The following PAICS variants were observed in gnomAD, a reference collection of about 807,000 sequenced individuals.
The protein encoded by PAICS is phosphoribosylaminoimidazole carboxylase and phosphoribosylaminoimidazolesuccinocarboxamide synthase, also known as bifunctional phosphoribosylaminoimidazole carboxylase/phosphoribosylaminoimidazole succinocarboxamide synthetase.
In PAICS, 33 loss-of-function variants were observed where a neutral mutation model predicts 53.7. That is an observed-to-expected ratio of 0.61 (90% CI 0.47 to 0.82). The LOEUF (loss-of-function observed/expected upper bound fraction) is 0.82, where lower values mean the gene tolerates loss of function less well. Among genes scored for constraint, PAICS ranks in the 40% least tolerant of loss-of-function variants. PAICS has a pLI of 0.00. For synonymous variants in PAICS, 141 were observed against 167.2 expected (o/e 0.84, Z 1.21); for missense variants, 394 against 494.1 (o/e 0.80, Z 1.92).
upstream of PAICS, chr4:56,435,336 AC>A: frequency 6.3e-7 from 1 of 1,581,310 alleles, no homozygotes; most frequent in South Asian, 1.1e-5. Flanking sequence ...CGCCACCCCC[AC>A]CCTGTTGCTC....
intron 7 of PAICS, among the ~76,000 whole-genome samples, chr4:56,452,275 T>C (rs1406977107): frequency 6.6e-6 from 1 of 151,764 alleles, no homozygotes; most frequent in East Asian, 1.9e-4. Flanking sequence ...ACCTCCCGGG[T>C]TCACACCATT....
the PAICS span, among the ~76,000 whole-genome samples, chr4:56,418,338 G>C: frequency 6.6e-6 from 1 of 151,590 alleles, no homozygotes; most frequent in East Asian, 1.9e-4. Context: ...ATCTTATTTT[G>C]AGACAGGGTC....
At chr4:56,444,758 T>C (rs7694047) in intron 2 of PAICS, among the ~76,000 whole-genome samples, 55,703 of 151,894 alleles carry the variant, frequency 0.37, 11,504 homozygotes, top group East Asian at 0.66. Context: ...AGATGATTAC[T>C]GTAGCTTCAT....
At chr4:56,435,221 G>A, upstream of PAICS, 1 of 1,360,954 alleles carries the variant, frequency 7.3e-7, no homozygotes, top group Admixed American at 2.0e-5. Context: ...GACGCCACAG[G>A]CAGGTACTGG....
chr4:56,434,813 G>C (rs1263224168), upstream of PAICS, among the ~76,000 whole-genome samples: 2 of 152,194 alleles, frequency 1.3e-5, no homozygotes, highest in African/African-American at 4.8e-5. Context: ...CTGAAGTCTA[G>C]CATCCTCAAG....
the PAICS span, chr4:56,410,704 C>CA: frequency 1.3e-5 from 13 of 986,064 alleles, no homozygotes; most frequent in Non-Finnish European, 1.4e-5. Context: ...GGGCTAAGTA[C>CA]AAAAATCTCA....
At chr4:56,452,142 C>T in intron 7 of PAICS, 90 bp downstream of exon 7, 3 of 846,942 alleles carry the variant, frequency 3.5e-6, no homozygotes, top group South Asian at 3.8e-5. Context: ...GAAAAAAGAG[C>T]TTTGTCAGTT....
chr4:56,415,502 G>A, the PAICS span, among the ~76,000 whole-genome samples: 1 of 152,116 alleles, frequency 6.6e-6, no homozygotes, highest in Non-Finnish European at 1.5e-5. Flanking sequence ...GAAATCAAAG[G>A]AGGAATTCAA....
the PAICS span, among the ~76,000 whole-genome samples, chr4:56,426,401 C>CAA: frequency 3.6e-5 from 5 of 140,276 alleles, no homozygotes; most frequent in African/African-American, 1.0e-4. Context: ...GACTCTGTCT[C>CAA]AAAAAAAAAA....
chr4:56,415,741 G>C, the PAICS span, among the ~76,000 whole-genome samples: 1 of 151,998 alleles, frequency 6.6e-6, no homozygotes, highest in Non-Finnish European at 1.5e-5. Context: ...TGCCTACTCT[G>C]TTAGAGCACC....
chr4:56,423,830 T>C, the PAICS span, among the ~76,000 whole-genome samples: 8 of 152,222 alleles, frequency 5.3e-5, 1 homozygote, highest in East Asian at 3.9e-4. Flanking sequence ...AGCAGCTAAA[T>C]ACGTAAGAAA....
chr4:56,434,097 A>T (rs183121431), upstream of PAICS, among the ~76,000 whole-genome samples: 962 of 152,034 alleles, frequency 6.3e-3, 10 homozygotes, highest in African/African-American at 0.021. Flanking sequence ...AACTTTTTTT[A>T]AAAAAAACAA....
At chr4:56,439,208 T>G (rs1718207541) in intron 1 of PAICS, among the ~76,000 whole-genome samples, 1 of 152,188 alleles carries the variant, frequency 6.6e-6, no homozygotes, top group Non-Finnish European at 1.5e-5. Context: ...AAATGTTAAT[T>G]TCTTTATCTG....
chr4:56,456,412 T>A (rs1719208301), intron 8 of PAICS, among the ~76,000 whole-genome samples: 1 of 152,012 alleles, frequency 6.6e-6, no homozygotes, highest in South Asian at 2.1e-4. Context: ...ATACAGGTGT[T>A]TTTTGTTTGT....
chr4:56,427,999 C>G, the PAICS span, among the ~76,000 whole-genome samples: 2 of 152,132 alleles, frequency 1.3e-5, no homozygotes, highest in Non-Finnish European at 2.9e-5. Context: ...TTTCCATATT[C>G]ACAAATATCC....
Position 56,460,981 on chromosome 4 carries a change from A to G in PAICS, c.*1443A>G, listed in dbSNP as rs1363622449. 6.6e-6 allele frequency: 1 copy of G among 152,194 alleles called. No individual in the cohort carries two copies. The highest frequency in any genetic ancestry group is 1.5e-5 in the Non-Finnish European group (1 of 68,056). The allele number at this position is 152,194 out of a possible 1,614,324, so 9.4% of individuals were successfully genotyped here. ...GCAAGACTCTGTCTCAAAAGGGGAA[A>G]AAAAAAATTGCTGATGTGACCCATG... On this transcript the variant is annotated 3_prime_UTR_variant, in exon 9 of 9. Transcript: ENST00000512576.
At chr4:56,435,964 G>C (rs535195504), upstream of PAICS, 100 of 1,512,936 alleles carry the variant, frequency 6.6e-5, no homozygotes, top group Non-Finnish European at 8.2e-5. Flanking sequence ...CCGCAGCCGA[G>C]AAGGGGCCGG....
chr4:56,446,283 C>T (rs1165087663), intron 2 of PAICS: 1 of 701,960 alleles, frequency 1.4e-6, no homozygotes, highest in African/African-American at 1.8e-5. Context: ...TAGCATTAAA[C>T]AATAACTATT....
At chr4:56,418,031 G>C in the PAICS span, among the ~76,000 whole-genome samples, 1 of 152,008 alleles carries the variant, frequency 6.6e-6, no homozygotes. Context: ...TAAATACAGG[G>C]TTTCACCATG....
Sources: allele counts gnomAD v4.1 joint callset (sites outside exome capture counted in the v4.1 genomes callset), GRCh38; gene constraint gnomAD v4.1.1; transcripts MANE v1.5; gene names NCBI Gene and HGNC (gene_info 2026-07-23, HGNC 2026-07-21).